Variants in EDIL3 observed in about 807,000 individuals in gnomAD.
The protein encoded by EDIL3 is EGF-like repeat and discoidin I-like domain-containing protein 3.
EDIL3 carries 37 observed loss-of-function variants against 67.4 expected under a neutral mutation model. That is an observed-to-expected ratio of 0.55 (90% CI 0.42 to 0.72). The LOEUF (loss-of-function observed/expected upper bound fraction) is 0.72, where lower values mean the gene tolerates loss of function less well. EDIL3 is among the 30% of genes least tolerant of loss of function. The pLI is 0.00. For synonymous variants in EDIL3, 195 were observed against 196.3 expected (o/e 0.99, Z 0.05); for missense variants, 527 against 586.3 (o/e 0.90, Z 1.04).
chr5:84,370,608 C>T (rs1244118746), intron 1 of EDIL3, among the ~76,000 whole-genome samples: 1 of 152,170 alleles, frequency 6.6e-6, no homozygotes, highest in Non-Finnish European at 1.5e-5. Flanking sequence ...TACTGTCTAG[C>T]TCCCATATAG....
chr5:84,284,500 T>A (rs1745771085), intron 1 of EDIL3, among the ~76,000 whole-genome samples: 1 of 152,102 alleles, frequency 6.6e-6, no homozygotes, highest in South Asian at 2.1e-4. Flanking sequence ...GCACCTAGCA[T>A]GCTACACAGG....
At chr5:84,144,254 C>T (rs1383643453) in intron 4 of EDIL3, among the ~76,000 whole-genome samples, 1 of 147,628 alleles carries the variant, frequency 6.8e-6, no homozygotes, top group Non-Finnish European at 1.5e-5. Flanking sequence ...CCCTTCCTCC[C>T]TCCCACCCTT....
Position 83,940,958 on chromosome 5 carries a change from G to C in EDIL3, c.*2461C>G, listed in dbSNP as rs917892383. On this transcript the variant is annotated 3_prime_UTR_variant, in exon 11 of 11. Coordinates refer to ENST00000296591, the MANE Select transcript of EDIL3 (RefSeq NM_005711.5). ...GTAGATATAATGGAGATGTTTAAAAGTTTAGTTTCATTAATTGTAAAATTA... is the reference window on the plus strand; with the variant it reads ...GTAGATATAATGGAGATGTTTAAAACTTTAGTTTCATTAATTGTAAAATTA... 1 of 151,970 alleles carries C rather than the reference G, an allele frequency of 6.6e-6. No homozygotes were observed. The highest frequency in any genetic ancestry group is 2.1e-4 in the South Asian group (1 of 4,836). 9.4% of individuals were successfully genotyped at this position (151,970 alleles called of 1,614,324 possible).
intron 4 of EDIL3, 105 bp from the exon 5 acceptor site, chr5:84,137,459 C>G: frequency 3.1e-6 from 3 of 982,834 alleles, no homozygotes; most frequent in Non-Finnish European, 4.5e-6. Flanking sequence ...AATGCTATTC[C>G]TTTGTGTGTG....
At chr5:84,181,142 G>C (rs565703195) in intron 3 of EDIL3, 1 of 152,292 alleles carries the variant, frequency 6.6e-6, no homozygotes, top group East Asian at 1.9e-4. Context: ...CGAGCAGTCC[G>C]TCAAAAGTTG....
intron 4 of EDIL3, among the ~76,000 whole-genome samples, chr5:84,167,836 C>T (rs1748735662): frequency 6.6e-6 from 1 of 152,090 alleles, no homozygotes; most frequent in Admixed American, 6.6e-5. Flanking sequence ...CATTTAAATT[C>T]TCAGCTCTTT....
At chr5:84,318,940 G>C (rs1435734319) in intron 1 of EDIL3, among the ~76,000 whole-genome samples, 1 of 151,952 alleles carries the variant, frequency 6.6e-6, no homozygotes, top group East Asian at 1.9e-4. Context: ...AATCTACAAA[G>C]AGCTTAAAAA....
At chr5:84,247,512 T>A (rs1744931652) in intron 2 of EDIL3, among the ~76,000 whole-genome samples, 1 of 152,170 alleles carries the variant, frequency 6.6e-6, no homozygotes, top group African/African-American at 2.4e-5. Flanking sequence ...TCTAGTTTTT[T>A]AAAAAATGTG....
chr5:83,988,059 G>T (rs1247836272), intron 9 of EDIL3, among the ~76,000 whole-genome samples: 1 of 151,976 alleles, frequency 6.6e-6, no homozygotes, highest in African/African-American at 2.4e-5. Flanking sequence ...GTCTGTACTT[G>T]CCTTTTCCCA....
chr5:84,053,365 T>C (rs747887797), intron 9 of EDIL3, among the ~76,000 whole-genome samples: 4 of 152,110 alleles, frequency 2.6e-5, no homozygotes, highest in Non-Finnish European at 5.9e-5. Context: ...AGGAAAGATC[T>C]AAAATTGACA....
intron 9 of EDIL3, among the ~76,000 whole-genome samples, chr5:83,991,546 C>T (rs996826135): frequency 6.6e-6 from 1 of 152,132 alleles, no homozygotes; most frequent in African/African-American, 2.4e-5. Flanking sequence ...ATTTCCTCAA[C>T]ACTGTACCCA....
At chr5:83,965,414 G>T (rs1744671772) in intron 9 of EDIL3, among the ~76,000 whole-genome samples, 1 of 152,042 alleles carries the variant, frequency 6.6e-6, no homozygotes, top group South Asian at 2.1e-4. Context: ...GGGCAAAGCT[G>T]CTCTTCTTCA....
At chr5:84,302,723 A>G (rs2112132159) in intron 1 of EDIL3, among the ~76,000 whole-genome samples, 1 of 152,280 alleles carries the variant, frequency 6.6e-6, no homozygotes, top group Non-Finnish European at 1.5e-5. Flanking sequence ...ATCTATCTCT[A>G]TTAAATGTTT....
At chr5:84,269,059 T>C (rs1346951347) in intron 1 of EDIL3, among the ~76,000 whole-genome samples, 1 of 152,234 alleles carries the variant, frequency 6.6e-6, no homozygotes, top group Non-Finnish European at 1.5e-5. Flanking sequence ...CCTCATCATA[T>C]ATGTAGCCAC....
At chr5:84,229,520 A>G (rs1229538340) in intron 3 of EDIL3, among the ~76,000 whole-genome samples, 2 of 151,950 alleles carry the variant, frequency 1.3e-5, no homozygotes, top group Non-Finnish European at 2.9e-5. Flanking sequence ...TAATTTTATC[A>G]TTCATTCTCC....
At chr5:84,127,121 T>C (rs1747882188) in intron 5 of EDIL3, among the ~76,000 whole-genome samples, 1 of 152,056 alleles carries the variant, frequency 6.6e-6, no homozygotes, top group South Asian at 2.1e-4. Context: ...TTTTTCGGGA[T>C]TTCGTAGTTA....
At chr5:84,184,013 G>T (rs536042801) in intron 3 of EDIL3, among the ~76,000 whole-genome samples, 6 of 152,292 alleles carry the variant, frequency 3.9e-5, no homozygotes, top group Admixed American at 3.3e-4. Context: ...GGCTGAGGCA[G>T]GAGAATTGCT....
At chr5:84,106,905 T>C (rs1354265339) in intron 5 of EDIL3, 75 bp from the exon 6 acceptor site, 5 of 1,442,908 alleles carry the variant, frequency 3.5e-6, no homozygotes, top group Non-Finnish European at 4.6e-6. Flanking sequence ...TTCGATTTGA[T>C]AGGATTTTTT....
intron 9 of EDIL3, among the ~76,000 whole-genome samples, chr5:83,972,598 G>A (rs1744812651): frequency 1.3e-5 from 2 of 151,896 alleles, no homozygotes; most frequent in Non-Finnish European, 2.9e-5. Context: ...TCAGCTCCAG[G>A]GAAACTTTCC....
Sources: gnomAD v4.1 joint callset for allele counts (sites outside exome capture counted in the v4.1 genomes callset) on GRCh38, gnomAD v4.1.1 for gene constraint, MANE v1.5 for transcripts, NCBI Gene and HGNC (gene_info 2026-07-23, HGNC 2026-07-21) for gene names.